The following AASS variants were observed in gnomAD, a reference collection of about 807,000 sequenced individuals.
AASS encodes aminoadipate-semialdehyde synthase.
In AASS, 86 loss-of-function variants were observed where a neutral mutation model predicts 105.4. That is an observed-to-expected ratio of 0.82 (90% CI 0.69 to 0.98). The LOEUF (loss-of-function observed/expected upper bound fraction) is 0.98. Among genes scored for constraint, AASS ranks in the 50% least tolerant of loss-of-function variants. The pLI is 0.00. For synonymous variants in AASS, 381 were observed against 394.8 expected, an observed-to-expected ratio of 0.96 and a Z score of 0.41; for missense variants, 1,048 against 1,143.2, an observed-to-expected ratio of 0.92 and a Z score of 1.20.
chr7:122,108,405 A>G (rs916836526), intron 11 of AASS, among the ~76,000 whole-genome samples: 2 of 152,190 alleles, frequency 1.3e-5, no homozygotes, highest in African/African-American at 2.4e-5. Flanking sequence ...CCTGAAGAAC[A>G]TAGATACAAA....
At chr7:122,109,359 AG>A (rs1232147415) in intron 11 of AASS, among the ~76,000 whole-genome samples, 3 of 152,132 alleles carry the variant, frequency 2.0e-5, no homozygotes, top group Admixed American at 2.0e-4. Flanking sequence ...TTTAGCAAAA[AG>A]AACGAAGCTG....
chr7:122,073,776 TTC>T lies in AASS; in HGVS notation c.*2711_*2712del, dbSNP rs1169067682. Among the ~76,000 whole-genome samples, 1 of 152,158 alleles carries T rather than the reference TTC, an allele frequency of 6.6e-6. No homozygotes were observed. Among genetic ancestry groups the T allele is most frequent in the Non-Finnish European group, 1.5e-5 (1 of 68,040 alleles). ...CAGCCTAAGCAACCACTAATCTGCC[TTC>T]TCTCTATATATATTCGCCTGTTCTG... On this transcript the variant is annotated 3_prime_UTR_variant, in exon 24 of 24. Transcript: ENST00000417368.
chr7:122,133,574 G>A lies in AASS; in HGVS notation c.153C>T (p.Thr51=), dbSNP rs1796006886. The A allele has an allele frequency of 6.2e-7, 1 of 1,614,046 alleles. No homozygotes were observed. The highest frequency in any genetic ancestry group is 1.3e-5 in the African/African-American group (1 of 74,914). ...PLAPKHIKGI[T]NLGYKVLIQP... is the part of the protein sequence containing the mutation. ...GTATCAAGACCTTGTATCCCAGATT[G>A]GTGATGCCTTTGATGTGCTTGGGAG... is the stretch of plus-strand genomic sequence containing the variant. Residue 51 remains threonine (T), a synonymous_variant, in exon 2 of 24, where the codon ACC becomes ACT. Coordinates refer to ENST00000417368, the MANE Select transcript of AASS (RefSeq NM_005763.4).
rs953679715 is a variant in AASS, at chr7:122,117,028, C to G, written c.688-71G>C. On this transcript the variant is annotated intron_variant, in intron 6 of 23. Transcript: ENST00000417368. ...AACCAACATGGTTTTCTGCAAAGAT[C>G]TGATCATTTTCCCAACAATTACATA... is the stretch of plus-strand genomic sequence containing the variant. The G allele has an allele frequency of 5.1e-6, 7 of 1,381,618 alleles. No homozygotes were observed. The Admixed American group carries it at 1.2e-4, about 23-fold the overall frequency. The allele number at this position is 1,381,618 out of a possible 1,614,324, so 85.6% of individuals were successfully genotyped here. A position where few individuals can be genotyped will look rare whatever the true frequency, so the allele number is the denominator to read the frequency against.
intron 4 of AASS, among the ~76,000 whole-genome samples, chr7:122,121,675 C>G (rs961533282): frequency 1.3e-5 from 2 of 152,064 alleles, no homozygotes; most frequent in African/African-American, 4.8e-5. Context: ...CTGGGCCCAG[C>G]CCTAAAGAAA....
At chr7:122,140,508 A>AAAAAAAAAAAAAAAAAAAAT (rs58125601) in intron 1 of AASS, among the ~76,000 whole-genome samples, 2 of 149,540 alleles carry the variant, frequency 1.3e-5, no homozygotes, top group Non-Finnish European at 3.0e-5. Context: ...AAAAAAAAAA[A>AAAAAAAAAAAAAAAAAAAAT]GAATGAACTA....
intron 9 of AASS, among the ~76,000 whole-genome samples, chr7:122,114,750 A>C (rs1294266918): frequency 6.6e-6 from 1 of 152,170 alleles, no homozygotes; most frequent in African/African-American, 2.4e-5. Context: ...TGTTTCAAGA[A>C]GTGGAGGTGG....
At chr7:122,142,040 A>G (rs1796424046) in intron 1 of AASS, among the ~76,000 whole-genome samples, 1 of 152,206 alleles carries the variant, frequency 6.6e-6, no homozygotes, top group Non-Finnish European at 1.5e-5. Flanking sequence ...AGCTACCTGC[A>G]TTAATAGCAT....
At chr7:122,101,537 GGAGA>G (rs1424724321) in intron 12 of AASS, 80 bp downstream of exon 12, 6 of 1,471,532 alleles carry the variant, frequency 4.1e-6, no homozygotes, top group Non-Finnish European at 5.7e-6. Flanking sequence ...TGACAAAGAT[GGAGA>G]GAGAGAGAAA....
chr7:122,115,804 G>A (rs1795140864), intron 8 of AASS, among the ~76,000 whole-genome samples: 1 of 152,048 alleles, frequency 6.6e-6, no homozygotes, highest in African/African-American at 2.4e-5. Flanking sequence ...AAGGAATAAA[G>A]ATTTCTTAGA....
chr7:122,098,810 G>C lies in AASS; in HGVS notation c.1463C>G (p.Ser488Cys). ...GTRRKVLVLG[S>C]GYISEPVLEY... ...TAATACAGGCTCAGATATGTAGCCA[G>C]ATCCAAGAACCAAAACCTTTCTCCT... The change falls in exon 14 of 24, where the codon TCT (serine) becomes TGT (cysteine). Residue 488 changes from serine to cysteine, a missense_variant. Transcript: ENST00000417368. The C allele has an allele frequency of 6.4e-7, 1 of 1,550,514 alleles. No homozygotes were observed. The highest frequency in any genetic ancestry group is 8.7e-7 in the Non-Finnish European group (1 of 1,147,032).
At chr7:122,077,720 A>G (rs1416143032) in intron 23 of AASS, 118 bp downstream of exon 23, 1 of 1,307,462 alleles carries the variant, frequency 7.6e-7, no homozygotes, top group African/African-American at 1.5e-5. Context: ...ATCTTCTAAG[A>G]TGGTTCACTT....
At position 122,076,379 on chromosome 7, in the gene AASS, A is replaced by G; in HGVS notation, c.*110T>C. The G allele has an allele frequency of 2.5e-6, 2 of 810,882 alleles. No homozygotes were observed. Among genetic ancestry groups the G allele is most frequent in the Non-Finnish European group, 4.3e-6 (2 of 461,010 alleles). 50.2% of individuals were successfully genotyped at this position (810,882 alleles called of 1,614,324 possible). On this transcript the variant is annotated 3_prime_UTR_variant, in exon 24 of 24. Coordinates refer to ENST00000417368, the MANE Select transcript of AASS (RefSeq NM_005763.4). ...GTTCAAAAAGTACATTGTGTTAACC[A>G]AAACATATTATGCTTTATACTTTAA...
intron 2 of AASS, 112 bp downstream of exon 2, chr7:122,133,405 A>C (rs1393917266): frequency 8.4e-6 from 10 of 1,188,584 alleles, no homozygotes. Context: ...CTTTTAATCA[A>C]AGTAAAGAAA....
intron 1 of AASS, among the ~76,000 whole-genome samples, chr7:122,136,697 CTG>C (rs1181127411): frequency 6.6e-6 from 1 of 152,168 alleles, no homozygotes; most frequent in Non-Finnish European, 1.5e-5. Context: ...CCAGCAGGGG[CTG>C]TGTTTCATGA....
chr7:122,108,272 C>T (rs1208158460), intron 11 of AASS, among the ~76,000 whole-genome samples: 1 of 152,070 alleles, frequency 6.6e-6, no homozygotes, highest in Non-Finnish European at 1.5e-5. Flanking sequence ...CAATTCTTCT[C>T]AAACTATTCC....
intron 1 of AASS, among the ~76,000 whole-genome samples, chr7:122,142,280 A>G (rs1044427654): frequency 5.9e-5 from 9 of 152,144 alleles, no homozygotes; most frequent in African/African-American, 1.9e-4. Context: ...TGTGTCATAA[A>G]CAATAAATTT....
intron 13 of AASS, among the ~76,000 whole-genome samples, chr7:122,100,270 A>G (rs1016633756): frequency 1.3e-5 from 2 of 151,898 alleles, no homozygotes; most frequent in African/African-American, 4.8e-5. Flanking sequence ...CAGTCATGTT[A>G]GACATGTCAC....
At chr7:122,112,585 G>C (rs957935663) in intron 11 of AASS, among the ~76,000 whole-genome samples, 2 of 152,086 alleles carry the variant, frequency 1.3e-5, no homozygotes, top group African/African-American at 4.8e-5. Flanking sequence ...GAATGCTTAG[G>C]ATAAAAACTG....
Sources: allele counts gnomAD v4.1 joint callset (sites outside exome capture counted in the v4.1 genomes callset), GRCh38; gene constraint gnomAD v4.1.1; transcripts MANE v1.5; gene names NCBI Gene and HGNC (gene_info 2026-07-23, HGNC 2026-07-21).